CLTB: variants seen among roughly 807,000 people sequenced by gnomAD.
The protein encoded by CLTB is clathrin light chain B, also known as clathrin, light chain (Lcb).
CLTB carries 10 observed loss-of-function variants against 30.5 expected under a neutral mutation model. The observed-to-expected ratio is 0.33, with a 90% CI of 0.20 to 0.56. The LOEUF is 0.56. CLTB is among the 20% of genes least tolerant of loss of function. The pLI, the probability that CLTB is intolerant of heterozygous loss-of-function variation, is 0.91. For synonymous variants in CLTB, 102 were observed against 120.3 expected (o/e 0.85, Z 1.00); for missense variants, 261 against 308.3 (o/e 0.85, Z 1.15).
intron 2 of CLTB, among the ~76,000 whole-genome samples, chr5:176,400,283 T>C (rs1391257907): frequency 6.6e-6 from 1 of 152,150 alleles, no homozygotes; most frequent in African/African-American, 2.4e-5. Context: ...AATACTATAA[T>C]ATTTGTGAGA....
chr5:176,405,058 C>T (rs1201034321), intron 2 of CLTB, among the ~76,000 whole-genome samples: 1 of 152,216 alleles, frequency 6.6e-6, no homozygotes, highest in African/African-American at 2.4e-5. Context: ...TCAGGGAGAT[C>T]AAGCACGTAA....
At chr5:176,400,934 TAC>T (rs922508836) in intron 2 of CLTB, among the ~76,000 whole-genome samples, 2 of 152,090 alleles carry the variant, frequency 1.3e-5, no homozygotes, top group African/African-American at 2.4e-5. Flanking sequence ...ACATCAGGGC[TAC>T]AGTCTCCAGC....
intron 4 of CLTB, 141 bp downstream of exon 4, chr5:176,397,466 G>GC (rs1756588141): frequency 2.5e-6 from 1 of 396,218 alleles, no homozygotes; most frequent in South Asian, 3.5e-5. Flanking sequence ...TGTCCCCACG[G>GC]CCCCCTCATG....
intron 5 of CLTB, among the ~76,000 whole-genome samples, chr5:176,394,656 A>T (rs1756427267): frequency 6.7e-6 from 1 of 148,904 alleles, no homozygotes. Context: ...CTACTAAAAA[A>T]TACACAAAAT....
intron 2 of CLTB, among the ~76,000 whole-genome samples, chr5:176,403,342 G>A (rs1317759084): frequency 2.0e-5 from 3 of 151,634 alleles, no homozygotes; most frequent in African/African-American, 2.4e-5. Context: ...GAGCTACTGC[G>A]CCTGGCCAAG....
At chr5:176,398,576 G>C in intron 2 of CLTB, among the ~76,000 whole-genome samples, 1 of 151,900 alleles carries the variant, frequency 6.6e-6, no homozygotes, top group Middle Eastern at 3.2e-3. Flanking sequence ...GCCAGGCGTG[G>C]TGGTGCATGC....
At chr5:176,396,073 C>A (rs1348776338) in intron 5 of CLTB, among the ~76,000 whole-genome samples, 9 of 151,950 alleles carry the variant, frequency 5.9e-5, no homozygotes, top group Admixed American at 5.9e-4. Flanking sequence ...AGGTGGAGGT[C>A]GCAGTGAGCC....
Position 176,397,914 on chromosome 5 carries a change from T to TCAGCCCCGCCC in CLTB, c.352+5_352+15dup, listed in dbSNP as rs1356834346. On this transcript the variant is annotated intron_variant, in intron 3 of 5. Coordinates refer to ENST00000310418, the MANE Select transcript of CLTB (RefSeq NM_007097.5). ...CACAGCCCACCCAGCCAACCCCGCC[T>TCAGCCCCGCCC]CAGCCCCGCCCTCACCCAGCTCTTG... 6.2e-7 allele frequency: 1 copy of TCAGCCCCGCCC among 1,606,290 alleles called. No individual in the cohort carries two copies. Among genetic ancestry groups the TCAGCCCCGCCC allele is most frequent in the Non-Finnish European group, 8.5e-7 (1 of 1,174,320 alleles).
At chr5:176,411,932 T>G (rs1757445452) in intron 1 of CLTB, among the ~76,000 whole-genome samples, 2 of 151,970 alleles carry the variant, frequency 1.3e-5, no homozygotes, top group South Asian at 4.1e-4. Context: ...ATCCCAGCAC[T>G]TTGGGAGGCT....
chr5:176,404,775 C>T (rs974824560), intron 2 of CLTB, among the ~76,000 whole-genome samples: 3 of 152,192 alleles, frequency 2.0e-5, no homozygotes, highest in African/African-American at 7.2e-5. Flanking sequence ...TCCCGGGCTC[C>T]GGTGAACCCC....
At chr5:176,402,709 C>T (rs1019471078) in intron 2 of CLTB, among the ~76,000 whole-genome samples, 4 of 152,178 alleles carry the variant, frequency 2.6e-5, no homozygotes, top group East Asian at 1.9e-4. Flanking sequence ...GGGACAGGGA[C>T]GAGCAAGACA....
chr5:176,409,069 C>G (rs905420830), intron 2 of CLTB, among the ~76,000 whole-genome samples: 4 of 151,930 alleles, frequency 2.6e-5, no homozygotes, highest in Non-Finnish European at 5.9e-5. Flanking sequence ...CTCCCACTCC[C>G]GGATTCAAGC....
intron 1 of CLTB, among the ~76,000 whole-genome samples, chr5:176,415,903 G>T (rs968033916): frequency 6.6e-6 from 1 of 152,218 alleles, no homozygotes; most frequent in Non-Finnish European, 1.5e-5. Flanking sequence ...GGTGGGGTTG[G>T]ATTCCAGAGC....
Position 176,398,105 on chromosome 5 carries a change from C to T in CLTB, c.235-58G>A. Reference sequence around the variant, plus strand: ...CAGCACACCTGCCCCGCTGTCTCTGCTGCCCCTGCTGGGGACCCACTCATG... The same window carrying T: ...CAGCACACCTGCCCCGCTGTCTCTGTTGCCCCTGCTGGGGACCCACTCATG... On this transcript the variant is annotated intron_variant, in intron 2 of 5. Coordinates refer to ENST00000310418, the MANE Select transcript of CLTB (RefSeq NM_007097.5). 7 of 1,501,588 alleles carry T rather than the reference C, an allele frequency of 4.7e-6. No homozygotes were observed. In the Admixed American group the frequency reaches 5.0e-5, roughly 11 times the overall value. 93.0% of individuals were successfully genotyped at this position (1,501,588 alleles called of 1,614,324 possible). A position where few individuals can be genotyped will look rare whatever the true frequency, so the allele number is the denominator to read the frequency against.
chr5:176,410,419 C>T (rs1165932249), intron 1 of CLTB, 116 bp from the exon 2 acceptor site: 1 of 726,818 alleles, frequency 1.4e-6, no homozygotes, highest in African/African-American at 1.8e-5. Context: ...TATATCGACC[C>T]ACATGCAAAC....
intron 1 of CLTB, among the ~76,000 whole-genome samples, chr5:176,411,690 T>C (rs1037798181): frequency 2.6e-5 from 4 of 152,128 alleles, no homozygotes; most frequent in East Asian, 1.9e-4. Flanking sequence ...CCCTGGAACA[T>C]AACAAGGACT....
intron 3 of CLTB, 56 bp from the exon 4 acceptor site, chr5:176,397,774 G>A: frequency 1.9e-6 from 3 of 1,557,488 alleles, no homozygotes; most frequent in Non-Finnish European, 2.7e-6. Flanking sequence ...CACAGGCCCG[G>A]CCGCGCTCCT....
chr5:176,397,762 T>G (rs1157398994), intron 3 of CLTB, 44 bp from the exon 4 acceptor site: 1 of 1,580,464 alleles, frequency 6.3e-7, no homozygotes, highest in Non-Finnish European at 8.7e-7. Flanking sequence ...CCAGCTGGGA[T>G]GCACAGGCCC....
In CLTB at chr5:176,397,622, T is replaced by C; in HGVS notation, c.449A>G (p.Asn150Ser). ...GCCCTCTCACCGGTTGTTGATCTTG[T>C]TCTTCTCTACTTGTTCACTCTGGCG... ...NQRQSEQVEKNKINNRIADKA... is the reference protein window; with the variant it reads ...NQRQSEQVEKSKINNRIADKA... The change falls in exon 4 of 6, where the codon AAC becomes AGC. Residue 150 changes from asparagine to serine, a missense_variant. Physicochemically the swap from Asn to Ser is conservative, Grantham distance 46. Around this residue, in one of 3 missense-constraint regions of CLTB, gnomAD observed 123 missense variants for 157.0 expected, o/e 0.78. Transcript: ENST00000310418. 6.3e-7 allele frequency: 1 copy of C among 1,588,332 alleles called. No homozygotes were observed. Among genetic ancestry groups the C allele is most frequent in the African/African-American group, 1.4e-5 (1 of 73,280 alleles).
Sources: allele counts gnomAD v4.1 joint callset (sites outside exome capture counted in the v4.1 genomes callset), GRCh38; gene constraint gnomAD v4.1.1; regional missense constraint gnomAD v4.1.1; transcripts MANE v1.5; gene names NCBI Gene and HGNC (gene_info 2026-07-23, HGNC 2026-07-21).